NUP210: variants seen among roughly 807,000 people sequenced by gnomAD.
The protein encoded by NUP210 is nuclear pore membrane glycoprotein 210.
Under a neutral mutation model 196.0 loss-of-function variants are expected in NUP210, and 151 were observed. The ratio of observed to expected loss-of-function variants is 0.77; its 90% CI spans 0.67 to 0.88. The LOEUF (loss-of-function observed/expected upper bound fraction) is 0.88. Ranked by LOEUF, NUP210 falls within the 40% of genes least tolerant of loss-of-function variation. The probability of loss-of-function intolerance (pLI) is 0.00; values close to 1 mark genes in which losing one functional copy is unlikely to be tolerated. For synonymous variants in NUP210, 1,070 were observed against 1,052.7 expected (o/e 1.02, Z -0.32); for missense variants, 2,314 against 2,493.7 (o/e 0.93, Z 1.53).
chr3:13,321,738 G>C lies in NUP210; in HGVS notation c.5013C>G (p.Leu1671=). 1 of 1,613,954 alleles carries C rather than the reference G, an allele frequency of 6.2e-7. No homozygotes were observed. ...KKTALVVSAS[L]SSSHFSTEQV... The stretch of plus-strand genomic sequence containing the variant: ...GCTCTGTGGAGAAGTGGCTGCTGGA[G>C]AGGGAGGCACTGACCACCAGAGCTG... Residue 1671 remains leucine (L), a synonymous_variant, in exon 36 of 40, where the codon CTC becomes CTG. Transcript: ENST00000254508.
chr3:13,361,024 G>T (rs1698352050), intron 14 of NUP210, among the ~76,000 whole-genome samples: 1 of 152,178 alleles, frequency 6.6e-6, no homozygotes, highest in Non-Finnish European at 1.5e-5. Context: ...AAATCTGATG[G>T]TGCCGTTTGA....
At chr3:13,371,710 C>T in intron 13 of NUP210, 124 bp downstream of exon 13, 2 of 854,928 alleles carry the variant, frequency 2.3e-6, no homozygotes, top group Non-Finnish European at 3.7e-6. Flanking sequence ...ACTGCCATTC[C>T]TTATGTTGCA....
intron 13 of NUP210, among the ~76,000 whole-genome samples, chr3:13,366,675 G>GC (rs1024369203): frequency 6.7e-6 from 1 of 149,904 alleles, no homozygotes; most frequent in Non-Finnish European, 1.5e-5. Flanking sequence ...GCGCCACCAC[G>GC]CCCAGCTAAT....
In NUP210 at chr3:13,379,492, G is replaced by A. The variant is rs1699031270; in HGVS notation, c.976+71C>T. The stretch of plus-strand genomic sequence containing the variant: ...TTTTTAGCCCTGCCGAGCTTTCAGG[G>A]AAAAAAAGACTTGACTTCCAAACAG... On this transcript the variant is annotated intron_variant, in intron 7 of 39. Transcript: ENST00000254508. This position sits in a 1 kb window ranked among gnomAD's most constrained non-coding sequence, Gnocchi z 4.2. 1 of 1,593,612 alleles carries A rather than the reference G, an allele frequency of 6.3e-7. No homozygotes were observed. The highest frequency in any genetic ancestry group is 1.3e-5 in the African/African-American group (1 of 74,266).
chr3:13,361,278 A>G (rs1698360879), intron 14 of NUP210, among the ~76,000 whole-genome samples: 2 of 152,236 alleles, frequency 1.3e-5, no homozygotes, highest in South Asian at 4.1e-4. Context: ...TGTTGAATGA[A>G]AGTGAGTTGG....
Position 13,335,450 on chromosome 3 carries a change from C to G in NUP210, c.3843+4G>C, listed in dbSNP as rs767637184. The G allele has an allele frequency of 6.2e-7, 1 of 1,611,052 alleles. No homozygotes were observed. The highest frequency in any genetic ancestry group is 8.5e-7 in the Non-Finnish European group (1 of 1,177,550). On this transcript the variant is annotated splice_donor_region_variant and intron_variant, in intron 28 of 39. Transcript: ENST00000254508. The stretch of plus-strand genomic sequence containing the variant: ...TCCCTGTGGCCTTTCCACCTGCCTC[C>G]TACCTGGACTTGGATCTCATCCGAG...
At chr3:13,358,422 C>G in intron 15 of NUP210, 27 bp from the exon 16 acceptor site, 1 of 1,582,972 alleles carries the variant, frequency 6.3e-7, no homozygotes, top group Non-Finnish European at 8.6e-7. Context: ...AACAGTCAGA[C>G]CCCCAAGCTT....
chr3:13,321,068 G>A (rs1490371964), intron 36 of NUP210, among the ~76,000 whole-genome samples: 1 of 152,272 alleles, frequency 6.6e-6, no homozygotes, highest in African/African-American at 2.4e-5. Flanking sequence ...CAAGGCAGGA[G>A]GAGCAGGCGG....
At chr3:13,326,336 G>A (rs1020581704) in intron 32 of NUP210, among the ~76,000 whole-genome samples, 3 of 102,352 alleles carry the variant, frequency 2.9e-5, no homozygotes, top group African/African-American at 4.0e-5. Flanking sequence ...CCATCCCTTC[G>A]TTGCCTTATC....
rs1175172651 is a variant in NUP210 at position 13,317,463 on chromosome 3, TGAAAG to T, written c.*213_*217del. On this transcript the variant is annotated 3_prime_UTR_variant, in exon 40 of 40. Coordinates refer to ENST00000254508, the MANE Select transcript of NUP210 (RefSeq NM_024923.4). ...CAAAAAGTCTTAGCTTTGTAAGACT[TGAAAG>T]GAAAAAAACACACATTTAAAACTCC... The T allele has an allele frequency of 8.9e-6, 5 of 558,908 alleles. No homozygotes were observed. Among genetic ancestry groups the T allele is most frequent in the African/African-American group, 7.6e-5 (4 of 52,458 alleles). The allele number at this position is 558,908 out of a possible 1,614,324, so 34.6% of individuals were successfully genotyped here. A position where few individuals can be genotyped will look rare whatever the true frequency, so the allele number is the denominator to read the frequency against.
intron 15 of NUP210, 31 bp from the exon 16 acceptor site, chr3:13,358,426 C>T: frequency 6.3e-7 from 1 of 1,578,234 alleles, no homozygotes; most frequent in Non-Finnish European, 8.6e-7. Flanking sequence ...GTCAGACCCC[C>T]AAGCTTGAGT....
At chr3:13,324,210 C>G (rs1036460795) in intron 33 of NUP210, among the ~76,000 whole-genome samples, 3 of 55,874 alleles carry the variant, frequency 5.4e-5, no homozygotes, top group Non-Finnish European at 1.5e-4. Flanking sequence ...TAGCCTGGGA[C>G]CCCCCAACGC....
intron 16 of NUP210, among the ~76,000 whole-genome samples, chr3:13,354,879 T>C (rs1455787468): frequency 6.6e-6 from 1 of 152,204 alleles, no homozygotes; most frequent in Non-Finnish European, 1.5e-5. Context: ...TGGGGTGATC[T>C]CTCGCTCCCC....
chr3:13,329,897 C>T (rs530442026), intron 30 of NUP210, among the ~76,000 whole-genome samples: 1 of 152,368 alleles, frequency 6.6e-6, no homozygotes, highest in African/African-American at 2.4e-5. Context: ...CCCCATCACT[C>T]AACCCCCATG....
intron 20 of NUP210, 40 bp from the exon 21 acceptor site, chr3:13,343,343 T>TGGGGGGGGGGGGGGGGGGGGGG: frequency 1.0e-6 from 1 of 996,932 alleles, no homozygotes. Flanking sequence ...GGGTGGTGGG[T>TGGGGGGGGGGGGGGGGGGGGGG]TACGCAGCTG....
At position 13,340,403 on chromosome 3, in the gene NUP210, A is replaced by G. The variant is rs1211527658; in HGVS notation, c.3229-105T>C. The G allele has an allele frequency of 2.0e-6, 2 of 989,484 alleles. No individual in the cohort carries two copies. Among genetic ancestry groups the G allele is most frequent in the Admixed American group, 3.9e-5 (2 of 50,866 alleles). 61.3% of individuals were successfully genotyped at this position (989,484 alleles called of 1,614,324 possible). Reference sequence around the variant, plus strand: ...CATGAGAGGAAAACCTGGGACATGGACATCACTTCTCTCTGAGCAGTGACC... The same window carrying G: ...CATGAGAGGAAAACCTGGGACATGGGCATCACTTCTCTCTGAGCAGTGACC... On this transcript the variant is annotated intron_variant, in intron 23 of 39. Coordinates refer to ENST00000254508, the MANE Select transcript of NUP210 (RefSeq NM_024923.4). The surrounding 1 kb of genome is among the most constrained non-coding windows in gnomAD (Gnocchi z 4.0).
rs1230374965 is a variant in NUP210 at position 13,319,409 on chromosome 3, C to G, written c.5384-84G>C. The G allele has an allele frequency of 6.1e-6, 7 of 1,140,644 alleles. No homozygotes were observed. In the South Asian group the frequency reaches 8.0e-5, roughly 13 times the overall value. 70.7% of individuals were successfully genotyped at this position (1,140,644 alleles called of 1,614,324 possible). A position where few individuals can be genotyped will look rare whatever the true frequency, so the allele number is the denominator to read the frequency against. On this transcript the variant is annotated intron_variant, in intron 37 of 39. Coordinates refer to ENST00000254508, the MANE Select transcript of NUP210 (RefSeq NM_024923.4). ...ACGTTCCTGCCCTACTGTACGTCTACAGGGCAGTCCACAGGTCCCTCTTAG... is the reference window on the plus strand; with the variant it reads ...ACGTTCCTGCCCTACTGTACGTCTAGAGGGCAGTCCACAGGTCCCTCTTAG...
chr3:13,372,025 A>C lies in NUP210; in HGVS notation c.1595T>G (p.Val532Gly). Residue 532 changes from valine (V) to glycine (G), a missense_variant, in exon 13 of 40, where the codon GTG (valine) becomes GGG (glycine). Val to Gly is a moderately radical substitution (Grantham distance 109). Transcript: ENST00000254508. ...AAACTCCATGCTGTGGGGCTCGATCACATACACCTGGAAGACAGGGGCATG... is the reference window on the plus strand; with the variant it reads ...AAACTCCATGCTGTGGGGCTCGATCCCATACACCTGGAAGACAGGGGCATG... ...PLHFGEMKVY[V>G]IEPHSMEFAP... 6.3e-7 allele frequency: 1 copy of C among 1,575,866 alleles called. No homozygotes were observed. The highest frequency in any genetic ancestry group is 8.6e-7 in the Non-Finnish European group (1 of 1,159,074).
chr3:13,414,820 C>T (rs1396077106), intron 1 of NUP210, among the ~76,000 whole-genome samples: 1 of 152,216 alleles, frequency 6.6e-6, no homozygotes, highest in Non-Finnish European at 1.5e-5. Flanking sequence ...TCACATGCAT[C>T]CACAGATCTC....
Sources: allele counts gnomAD v4.1 joint callset (sites outside exome capture counted in the v4.1 genomes callset), GRCh38; gene constraint gnomAD v4.1.1; non-coding constraint Gnocchi (gnomAD v3.1); transcripts MANE v1.5; gene names NCBI Gene and HGNC (gene_info 2026-07-23, HGNC 2026-07-21).